Variants in GAD2 observed in about 807,000 individuals in gnomAD.
GAD2 encodes the protein 65 kDa glutamic acid decarboxylase.
A neutral mutation model predicts 80.1 loss-of-function variants in GAD2; 22 were observed. The observed-to-expected ratio is 0.27, with a 90% confidence interval of 0.20 to 0.39. GAD2 has a LOEUF of 0.39. Ranked by LOEUF, GAD2 falls within the 10% of genes least tolerant of loss-of-function variation. GAD2 has a pLI of 1.00. For synonymous variants in GAD2, 274 were observed against 256.9 expected (o/e 1.07, Z -0.64); for missense variants, 624 against 738.4 (o/e 0.85, Z 1.80).
At chr10:26,227,496 C>T (rs1408384044) in intron 6 of GAD2, among the ~76,000 whole-genome samples, 1 of 152,222 alleles carries the variant, frequency 6.6e-6, no homozygotes, top group East Asian at 1.9e-4. Context: ...AGAGCACTTT[C>T]TTAGGATACG....
rs2132266868 is a variant in GAD2, at chr10:26,216,902, G to A, written c.76+17G>A. Reference sequence around the variant, plus strand: ...CCGGCACAGGTAGGAAGGAGAACGGGGGCCTGCGGCGGGCGAGTTTTGCGG... The same window carrying A: ...CCGGCACAGGTAGGAAGGAGAACGGAGGCCTGCGGCGGGCGAGTTTTGCGG... On this transcript the variant is annotated intron_variant, in intron 1 of 15. Coordinates refer to ENST00000376261, the MANE Select transcript of GAD2 (RefSeq NM_001134366.2). This position sits in a 1 kb window ranked among gnomAD's most constrained non-coding sequence, Gnocchi z 4.7. 6.2e-7 allele frequency: 1 copy of A among 1,601,178 alleles called. No homozygotes were observed. Among genetic ancestry groups the A allele is most frequent in the South Asian group, 1.1e-5 (1 of 89,802 alleles).
At chr10:26,252,601 T>G (rs1343413785) in intron 8 of GAD2, among the ~76,000 whole-genome samples, 1 of 152,166 alleles carries the variant, frequency 6.6e-6, no homozygotes, top group African/African-American at 2.4e-5. Flanking sequence ...TCCACCCGCC[T>G]TGGCCTCCCA....
At chr10:26,293,031 G>A in intron 15 of GAD2, 40 bp downstream of exon 15, 1 of 1,479,724 alleles carries the variant, frequency 6.8e-7, no homozygotes, top group South Asian at 1.1e-5. Context: ...TGTGTATTGA[G>A]CCTTTCATGT....
rs1190717168 is a variant in GAD2, at chr10:26,295,260, G to C, written c.1584+2269G>C. Among the ~76,000 whole-genome samples the C allele has an allele frequency of 4.1e-4, 62 of 152,184 alleles. 1 individual carries two copies. The highest frequency in any genetic ancestry group is 3.8e-3 in the Admixed American group (58 of 15,282). ...ATTAGTAAACTGTTTTTATACTGTT[G>C]ACAATTCAAATATGAAAATCTCCGG... On this transcript the variant is annotated intron_variant, in intron 15 of 15. Coordinates refer to ENST00000376261, the MANE Select transcript of GAD2 (RefSeq NM_001134366.2).
chr10:26,229,304 C>T (rs762639768), intron 6 of GAD2, among the ~76,000 whole-genome samples: 2 of 152,014 alleles, frequency 1.3e-5, no homozygotes, highest in Non-Finnish European at 2.9e-5. Context: ...AAGCTTTCTC[C>T]ATCCAGATAT....
chr10:26,216,560 C>CT (rs1844372914), upstream of GAD2: 1 of 365,196 alleles, frequency 2.7e-6, no homozygotes, highest in East Asian at 5.4e-5. This position sits in a 1 kb window ranked among gnomAD's most constrained non-coding sequence, Gnocchi z 4.7. Flanking sequence ...GTCCCGGTCT[C>CT]TTTTAAAGCT....
At chr10:26,282,969 A>G (rs1429713036) in intron 12 of GAD2, among the ~76,000 whole-genome samples, 1 of 152,224 alleles carries the variant, frequency 6.6e-6, no homozygotes, top group Non-Finnish European at 1.5e-5. Flanking sequence ...CATGCAGGGC[A>G]TGAGACCTCA....
chr10:26,304,515 G>A lies in GAD2; in HGVS notation c.*3554G>A, dbSNP rs8190821. On this transcript the variant is annotated 3_prime_UTR_variant, in exon 16 of 16. Transcript: ENST00000376261. ...TGTGTATGATCCAAGTATTTTATCTGTGTTGTCTCTCTAAACCCAAATAAA... is the reference window on the plus strand; with the variant it reads ...TGTGTATGATCCAAGTATTTTATCTATGTTGTCTCTCTAAACCCAAATAAA... The A allele has an allele frequency of 3.8e-4, 58 of 152,710 alleles. 1 individual carries two copies. The highest frequency in any genetic ancestry group is 1.2e-3 in the African/African-American group (51 of 41,550). The allele number at this position is 152,710 out of a possible 1,614,324, so 9.5% of individuals were successfully genotyped here.
chr10:26,257,046 C>G (rs1844952677), intron 8 of GAD2, among the ~76,000 whole-genome samples: 1 of 152,110 alleles, frequency 6.6e-6, no homozygotes, highest in Admixed American at 6.6e-5. Flanking sequence ...TGCTGTCTCT[C>G]ATTTATTATC....
At chr10:26,263,643 C>A (rs559862373) in intron 8 of GAD2, among the ~76,000 whole-genome samples, 18 of 152,330 alleles carry the variant, frequency 1.2e-4, no homozygotes, top group African/African-American at 4.3e-4. Flanking sequence ...ATTAACTCTC[C>A]TTGCCATCTT....
intron 12 of GAD2, among the ~76,000 whole-genome samples, chr10:26,284,123 A>G (rs1845302446): frequency 6.6e-6 from 1 of 152,208 alleles, no homozygotes; most frequent in Non-Finnish European, 1.5e-5. Flanking sequence ...ATTCCCTTAC[A>G]AATCCAAGAC....
chr10:26,231,255 A>G (rs1844598189), intron 7 of GAD2, among the ~76,000 whole-genome samples: 1 of 152,170 alleles, frequency 6.6e-6, no homozygotes, highest in Admixed American at 6.5e-5. Flanking sequence ...GGGCTCCTGT[A>G]AGGAAATGTC....
At chr10:26,223,850 G>A (rs1202093276) in intron 4 of GAD2, 37 bp from the exon 5 acceptor site, 1 of 1,367,108 alleles carries the variant, frequency 7.3e-7, no homozygotes, top group Non-Finnish European at 1.0e-6. Context: ...TATTTTCACT[G>A]GAGGCAATCC....
intron 7 of GAD2, among the ~76,000 whole-genome samples, chr10:26,242,782 C>G (rs542289109): frequency 3.9e-5 from 6 of 152,268 alleles, no homozygotes; most frequent in South Asian, 4.1e-4. Flanking sequence ...ATTTAAGAAC[C>G]CCTATTCTTT....
intron 8 of GAD2, among the ~76,000 whole-genome samples, chr10:26,257,260 C>G (rs149921519): frequency 4.6e-5 from 7 of 151,988 alleles, no homozygotes; most frequent in Admixed American, 2.6e-4. Context: ...ACCTGTAATC[C>G]CAGCTACTTG....
At chr10:26,259,015 AC>A (rs1343671536) in intron 8 of GAD2, among the ~76,000 whole-genome samples, 1 of 152,114 alleles carries the variant, frequency 6.6e-6, no homozygotes, top group Non-Finnish European at 1.5e-5. Context: ...ACAGGGTTTC[AC>A]CATATTGGTC....
intron 15 of GAD2, among the ~76,000 whole-genome samples, chr10:26,298,676 T>A (rs1286164343): frequency 2.0e-5 from 3 of 152,228 alleles, no homozygotes; most frequent in African/African-American, 7.2e-5. Context: ...TTATCAGTTC[T>A]AAAGGGCAAG....
Position 26,273,657 on chromosome 10 carries a change from C to T in GAD2, c.1114C>T (p.Leu372=). ...HVDAAWGGGL[L]MSRKHKWKLS... is the part of the protein sequence containing the mutation. ...TCAGGCAGCTTGGGGTGGGGGATTA[C>T]TGATGTCCCGAAAACACAAGTGGAA... The change falls in exon 11 of 16, where the codon CTG becomes TTG. Residue 372 remains leucine, a synonymous_variant. Coordinates refer to ENST00000376261, the MANE Select transcript of GAD2 (RefSeq NM_001134366.2). 2 of 1,613,556 alleles carry T rather than the reference C, an allele frequency of 1.2e-6. No homozygotes were observed. Among genetic ancestry groups the T allele is most frequent in the African/African-American group, 2.7e-5 (2 of 74,972 alleles).
Position 26,273,682 on chromosome 10 carries a change from A to C in GAD2, c.1139A>C (p.Lys380Thr). 2.5e-6 allele frequency: 4 copies of C among 1,613,950 alleles called. No individual in the cohort carries two copies. The highest frequency in any genetic ancestry group is 1.1e-5 in the South Asian group (1 of 91,032). Reference sequence around the variant, plus strand: ...CTGATGTCCCGAAAACACAAGTGGAAACTGAGTGGCGTGGAGAGGTATGTT... The same window carrying C: ...CTGATGTCCCGAAAACACAAGTGGACACTGAGTGGCGTGGAGAGGTATGTT... ...GLLMSRKHKW[K>T]LSGVERANSV... The change falls in exon 11 of 16, where the codon AAA becomes ACA. Residue 380 changes from lysine (K) to threonine (T), a missense_variant. Lys to Thr is a moderately conservative substitution (Grantham distance 78). Transcript: ENST00000376261.
Sources: gnomAD v4.1 joint callset for allele counts (sites outside exome capture counted in the v4.1 genomes callset) on GRCh38, gnomAD v4.1.1 for gene constraint, Gnocchi (gnomAD v3.1) non-coding constraint, MANE v1.5 for transcripts, NCBI Gene and HGNC (gene_info 2026-07-23, HGNC 2026-07-21) for gene names.